CMTM4: variants seen among roughly 807,000 people sequenced by gnomAD.
The protein encoded by CMTM4 is CKLF-like MARVEL transmembrane domain-containing protein 4.
CMTM4 carries 8 observed loss-of-function variants against 19.0 expected under a neutral mutation model. That is an observed-to-expected ratio of 0.42 (90% confidence interval 0.25 to 0.76). CMTM4 has a LOEUF of 0.76. CMTM4 is among the 30% of genes least tolerant of loss of function. CMTM4 has a pLI of 0.27. For synonymous variants in CMTM4, 106 were observed against 121.1 expected (o/e 0.88, Z 0.82); for missense variants, 228 against 290.2 (o/e 0.79, Z 1.56).
rs118054493 is a variant in CMTM4 at position 66,647,548 on chromosome 16, C to T, written c.187-10967G>A. ...CACCATTGGGGGTAAGGAAGGTGTG[C>T]GCAGGGCCAACTGTGAGGAGACTGG... is the stretch of plus-strand genomic sequence containing the variant. On this transcript the variant is annotated intron_variant, in intron 1 of 3. Coordinates refer to ENST00000394106, the MANE Select transcript of CMTM4 (RefSeq NM_181521.3). Among the ~76,000 whole-genome samples, 677 of 152,028 alleles carry T rather than the reference C, an allele frequency of 4.5e-3. 1 individual carries two copies. The highest frequency in any genetic ancestry group is 8.1e-3 in the Non-Finnish European group (553 of 67,990).
At chr16:66,664,449 T>G (rs2016555724) in intron 1 of CMTM4, among the ~76,000 whole-genome samples, 1 of 152,130 alleles carries the variant, frequency 6.6e-6, no homozygotes, top group Non-Finnish European at 1.5e-5. Flanking sequence ...CAAGTATGCA[T>G]GATGGTTAAG....
At chr16:66,693,984 TGC>T (rs1254844102) in intron 1 of CMTM4, among the ~76,000 whole-genome samples, 3 of 151,492 alleles carry the variant, frequency 2.0e-5, no homozygotes, top group Admixed American at 1.3e-4. Flanking sequence ...ATTGTGCCAC[TGC>T]ACTCCAGCCT....
At chr16:66,626,773 GA>G (rs58052690) in intron 2 of CMTM4, among the ~76,000 whole-genome samples, 27 of 121,912 alleles carry the variant, frequency 2.2e-4, no homozygotes, top group South Asian at 2.6e-4. Context: ...CCGTCTCAAA[GA>G]AAAAAAAAAA....
At chr16:66,610,536 G>A (rs191233689), downstream of CMTM4, among the ~76,000 whole-genome samples, 28 of 152,306 alleles carry the variant, frequency 1.8e-4, no homozygotes, top group Non-Finnish European at 3.8e-4. The surrounding 1 kb of genome is among the most constrained non-coding windows in gnomAD (Gnocchi z 4.6). Flanking sequence ...GCAGGCCCAC[G>A]CTGGGTGTCA....
Position 66,696,265 on chromosome 16 carries a change from G to A in CMTM4, c.186+75C>T. ...CTGGGCAAGCGGGTACGCGGCGGAG[G>A]CCCCGCAGCGGGGCGGGGAGGGAGG... On this transcript the variant is annotated intron_variant, in intron 1 of 3. Transcript: ENST00000394106. This position sits in a 1 kb window ranked among gnomAD's most constrained non-coding sequence, Gnocchi z 4.3. 3 of 1,069,248 alleles carry A rather than the reference G, an allele frequency of 2.8e-6. No individual in the cohort carries two copies. Among genetic ancestry groups the A allele is most frequent in the Non-Finnish European group, 3.6e-6 (3 of 832,846 alleles). 66.2% of individuals were successfully genotyped at this position (1,069,248 alleles called of 1,614,324 possible).
At chr16:66,683,659 G>A (rs377087506) in intron 1 of CMTM4, among the ~76,000 whole-genome samples, 12 of 151,796 alleles carry the variant, frequency 7.9e-5, no homozygotes, top group Admixed American at 5.3e-4. Context: ...GTTTAGACAC[G>A]GGATACAGCA....
At chr16:66,604,670 G>A in the CMTM4 span, 1 of 621,846 alleles carries the variant, frequency 1.6e-6, no homozygotes, top group East Asian at 4.1e-5. Flanking sequence ...GCGGGGCGGG[G>A]CGTGGCGGCG....
intron 2 of CMTM4, among the ~76,000 whole-genome samples, chr16:66,631,052 C>G (rs2015851330): frequency 6.6e-6 from 1 of 151,824 alleles, no homozygotes; most frequent in Non-Finnish European, 1.5e-5. Flanking sequence ...TGAGGAGCCC[C>G]TCCGCCCGGC....
chr16:66,647,289 A>C (rs1243733718), intron 1 of CMTM4, among the ~76,000 whole-genome samples: 1 of 146,832 alleles, frequency 6.8e-6, no homozygotes, highest in East Asian at 2.0e-4. Flanking sequence ...ATGCCACTGC[A>C]CTCCAGCTTG....
At chr16:66,609,250 G>A in the CMTM4 span, 1 of 602,132 alleles carries the variant, frequency 1.7e-6, no homozygotes, top group Non-Finnish European at 2.9e-6. The surrounding 1 kb of genome is among the most constrained non-coding windows in gnomAD (Gnocchi z 4.4). Context: ...AGTGTCAGCT[G>A]CTGGCAAGGC....
At chr16:66,600,467 C>A in the CMTM4 span, among the ~76,000 whole-genome samples, 1 of 152,062 alleles carries the variant, frequency 6.6e-6, no homozygotes, top group Non-Finnish European at 1.5e-5. Context: ...TTTAATAACA[C>A]CAATGGGAAC....
chr16:66,619,966 T>A lies in CMTM4; in HGVS notation c.*2092A>T, dbSNP rs2015598362. On this transcript the variant is annotated 3_prime_UTR_variant, in exon 4 of 4. Transcript: ENST00000394106. ...GAACTATTTCTTGCAGCTGACAACATATCCTCAGGAGGCCAACCACCTGCC... is the reference window on the plus strand; with the variant it reads ...GAACTATTTCTTGCAGCTGACAACAAATCCTCAGGAGGCCAACCACCTGCC... 1 of 985,322 alleles carries A rather than the reference T, an allele frequency of 1.0e-6. No homozygotes were observed. Among genetic ancestry groups the A allele is most frequent in the Admixed American group, 6.1e-5 (1 of 16,270 alleles). The allele number at this position is 985,322 out of a possible 1,614,324, so 61.0% of individuals were successfully genotyped here.
chr16:66,673,682 G>A (rs777579926), intron 1 of CMTM4, among the ~76,000 whole-genome samples: 5 of 152,178 alleles, frequency 3.3e-5, no homozygotes, highest in Non-Finnish European at 5.9e-5. Context: ...AAGCCAGACA[G>A]CAATGTTTTT....
At chr16:66,633,801 G>C (rs113718971) in intron 2 of CMTM4, among the ~76,000 whole-genome samples, 47 of 148,192 alleles carry the variant, frequency 3.2e-4, no homozygotes, top group African/African-American at 1.1e-3. Context: ...CTGGGCGACA[G>C]AGCAAGACCC....
At chr16:66,682,584 C>A (rs2016935505) in intron 1 of CMTM4, among the ~76,000 whole-genome samples, 1 of 152,154 alleles carries the variant, frequency 6.6e-6, no homozygotes, top group Non-Finnish European at 1.5e-5. Context: ...TCATTTAATT[C>A]TCAAACTTAA....
intron 1 of CMTM4, among the ~76,000 whole-genome samples, chr16:66,678,039 G>A (rs1596957433): frequency 6.6e-6 from 1 of 152,080 alleles, no homozygotes; most frequent in Non-Finnish European, 1.5e-5. Context: ...AGGGTCAGGT[G>A]TGGTGGCACG....
At chr16:66,612,660 A>T (rs920683024), downstream of CMTM4, 1 of 1,612,984 alleles carries the variant, frequency 6.2e-7, no homozygotes, top group African/African-American at 1.3e-5. This position sits in a 1 kb window ranked among gnomAD's most constrained non-coding sequence, Gnocchi z 6.0. Flanking sequence ...TGCCTTGGCA[A>T]CCTGAGCCAC....
At chr16:66,603,105 CAG>C in the CMTM4 span, among the ~76,000 whole-genome samples, 3 of 152,064 alleles carry the variant, frequency 2.0e-5, no homozygotes, top group Non-Finnish European at 2.9e-5. Context: ...GAGGGTCTTG[CAG>C]AGTCTTTGAG....
rs1372838997 is a variant in CMTM4, at chr16:66,621,694, C to G, written c.*364G>C. ...GCCGACTGACCGTTCCAATGCTGTC[C>G]CTTCATTCCTTCATATTTCCCCCCT... On this transcript the variant is annotated 3_prime_UTR_variant, in exon 4 of 4. Transcript: ENST00000394106. 1 of 1,060,136 alleles carries G rather than the reference C, an allele frequency of 9.4e-7. No homozygotes were observed. The highest frequency in any genetic ancestry group is 1.1e-6 in the Non-Finnish European group (1 of 873,016). 65.7% of individuals were successfully genotyped at this position (1,060,136 alleles called of 1,614,324 possible).
Sources: allele counts gnomAD v4.1 joint callset (sites outside exome capture counted in the v4.1 genomes callset), GRCh38; gene constraint gnomAD v4.1.1; non-coding constraint Gnocchi (gnomAD v3.1); transcripts MANE v1.5; gene names NCBI Gene and HGNC (gene_info 2026-07-23, HGNC 2026-07-21).